The following PRUNE2 variants were observed in gnomAD, a reference collection of about 807,000 sequenced individuals.
PRUNE2 encodes the protein protein prune homolog 2.
In PRUNE2, 164 loss-of-function variants were observed where a neutral mutation model predicts 252.0. The ratio of observed to expected loss-of-function variants is 0.65; its 90% CI spans 0.57 to 0.74. PRUNE2 has a LOEUF of 0.74. PRUNE2 is among the 30% of genes least tolerant of loss of function. The pLI, the probability that PRUNE2 is intolerant of heterozygous loss-of-function variation, is 0.00. For synonymous variants in PRUNE2, 1,292 were observed against 1,350.2 expected (o/e 0.96, Z 0.94); for missense variants, 3,495 against 3,711.0 (o/e 0.94, Z 1.51).
At chr9:76,663,628 T>C (rs1487130332) in intron 9 of PRUNE2, among the ~76,000 whole-genome samples, 1 of 152,206 alleles carries the variant, frequency 6.6e-6, no homozygotes, top group Non-Finnish European at 1.5e-5. Context: ...TTTTTTTCTT[T>C]TTACAGTGAG....
intron 15 of PRUNE2, among the ~76,000 whole-genome samples, chr9:76,632,674 C>G (rs569558043): frequency 6.6e-6 from 1 of 152,284 alleles, no homozygotes; most frequent in South Asian, 2.1e-4. Flanking sequence ...CCTCCTATCT[C>G]TGCCTCTGGA....
intron 16 of PRUNE2, among the ~76,000 whole-genome samples, chr9:76,627,544 A>G (rs541381546): frequency 6.6e-6 from 1 of 152,318 alleles, no homozygotes; most frequent in Admixed American, 6.5e-5. Context: ...TGAAGCCGTC[A>G]TTAGGATCTA....
chr9:76,746,779 G>A (rs2050164066), intron 6 of PRUNE2, among the ~76,000 whole-genome samples: 1 of 145,392 alleles, frequency 6.9e-6, no homozygotes, highest in Admixed American at 6.9e-5. Flanking sequence ...CGGGATAGCC[G>A]AACACACAGA....
rs2046458428 is a variant in PRUNE2 at position 76,708,364 on chromosome 9, G to A, written c.3910C>T (p.Leu1304Phe). 6.2e-7 allele frequency: 1 copy of A among 1,613,770 alleles called. No homozygotes were observed. Among genetic ancestry groups the A allele is most frequent in the Non-Finnish European group, 8.5e-7 (1 of 1,179,868 alleles). ...TGTGGAAAATACCCTGGATTCTCAAGCCTAGTCGCCAAGGATGCTGCATCA... is the reference window on the plus strand; with the variant it reads ...TGTGGAAAATACCCTGGATTCTCAAACCTAGTCGCCAAGGATGCTGCATCA... ...QSDAASLATRLENPGYFPHPD... is the reference protein window; with the variant it reads ...QSDAASLATRFENPGYFPHPD... The change falls in exon 8 of 19, where the codon CTT becomes TTT. Residue 1304 changes from leucine (L) to phenylalanine (F), a missense_variant. Physicochemically the swap from Leu to Phe is conservative, Grantham distance 22. Transcript: ENST00000376718.
At chr9:76,685,661 G>A (rs1470842300) in intron 9 of PRUNE2, among the ~76,000 whole-genome samples, 2 of 152,202 alleles carry the variant, frequency 1.3e-5, no homozygotes, top group Non-Finnish European at 2.9e-5. Context: ...TGCAAGCTAA[G>A]GAGAGAGAGG....
intron 1 of PRUNE2, among the ~76,000 whole-genome samples, chr9:76,894,448 C>A (rs2062687168): frequency 6.6e-6 from 1 of 152,204 alleles, no homozygotes; most frequent in South Asian, 2.1e-4. Context: ...TCTCAGGGAG[C>A]AGCCAGGCAC....
At chr9:76,873,171 C>T (rs919685633) in intron 1 of PRUNE2, among the ~76,000 whole-genome samples, 11 of 152,014 alleles carry the variant, frequency 7.2e-5, no homozygotes, top group Non-Finnish European at 8.8e-5. Context: ...CTTCCAGCCT[C>T]CAGAGCTGTG....
At position 76,709,091 on chromosome 9, in the gene PRUNE2, A is replaced by G. The variant is rs2046522304; in HGVS notation, c.3183T>C (p.Asp1061=). 1.2e-6 allele frequency: 2 copies of G among 1,613,756 alleles called. No homozygotes were observed. The highest frequency in any genetic ancestry group is 3.3e-5 in the Admixed American group (2 of 60,002). The change falls in exon 8 of 19, where the codon GAT becomes GAC. Residue 1061 remains aspartate (D), a synonymous_variant. Transcript: ENST00000376718. ...CATCCTCCATGGAGATATTCTTACCATCTGTGTGCTCTGTCTTGAGTTCAT... is the reference window on the plus strand; with the variant it reads ...CATCCTCCATGGAGATATTCTTACCGTCTGTGTGCTCTGTCTTGAGTTCAT... ...DENELKTEHT[D]GKNISMEDDV...
chr9:76,881,323 T>C (rs2061770562), intron 1 of PRUNE2, among the ~76,000 whole-genome samples: 1 of 152,166 alleles, frequency 6.6e-6, no homozygotes, highest in Admixed American at 6.6e-5. Flanking sequence ...TGAGAAGCAC[T>C]ATACTAATAA....
chr9:76,634,557 T>C (rs941538834), intron 15 of PRUNE2, among the ~76,000 whole-genome samples: 1 of 152,190 alleles, frequency 6.6e-6, no homozygotes, highest in Admixed American at 6.5e-5. Context: ...AAATGCTTCA[T>C]CACACTGTAC....
intron 6 of PRUNE2, among the ~76,000 whole-genome samples, chr9:76,719,423 T>C (rs921026607): frequency 1.3e-5 from 2 of 152,068 alleles, no homozygotes; most frequent in East Asian, 1.9e-4. Flanking sequence ...ATAACACAAA[T>C]TTTCTTCTTT....
At chr9:76,824,206 C>A (rs890955564) in intron 5 of PRUNE2, among the ~76,000 whole-genome samples, 2 of 152,124 alleles carry the variant, frequency 1.3e-5, no homozygotes, top group African/African-American at 4.8e-5. Flanking sequence ...AACCAGAAGC[C>A]AGTGTTGTGG....
At chr9:76,649,077 A>G (rs1404698449) in intron 11 of PRUNE2, among the ~76,000 whole-genome samples, 1 of 152,248 alleles carries the variant, frequency 6.6e-6, no homozygotes, top group Non-Finnish European at 1.5e-5. Context: ...AAACAGGTAC[A>G]GGAAAACTCT....
intron 17 of PRUNE2, among the ~76,000 whole-genome samples, chr9:76,620,264 C>G (rs1286566589): frequency 6.6e-6 from 1 of 151,984 alleles, no homozygotes; most frequent in Admixed American, 6.5e-5. Context: ...CTCAGCCACC[C>G]AAGTAGCTGG....
At chr9:76,720,325 AT>A in intron 6 of PRUNE2, among the ~76,000 whole-genome samples, 1 of 152,360 alleles carries the variant, frequency 6.6e-6, no homozygotes, top group Middle Eastern at 3.4e-3. Flanking sequence ...CCAAATTGCT[AT>A]TCTGAAACCT....
intron 1 of PRUNE2, among the ~76,000 whole-genome samples, chr9:76,866,325 A>G (rs2060836575): frequency 6.6e-6 from 1 of 152,268 alleles, no homozygotes; most frequent in Non-Finnish European, 1.5e-5. Context: ...TATATCCATT[A>G]TATTAATAAT....
chr9:76,674,601 G>A (rs1156492780), intron 9 of PRUNE2, among the ~76,000 whole-genome samples: 20 of 150,738 alleles, frequency 1.3e-4, no homozygotes, highest in Admixed American at 2.7e-4. Flanking sequence ...AGCCCGCATC[G>A]CCAAGTCAAT....
At chr9:76,758,377 G>A (rs1421319782) in intron 6 of PRUNE2, 3 of 152,230 alleles carry the variant, frequency 2.0e-5, no homozygotes, top group Non-Finnish European at 4.4e-5. Flanking sequence ...TTCAGTCCAG[G>A]AGGTGCTGAG....
intron 9 of PRUNE2, among the ~76,000 whole-genome samples, chr9:76,682,472 CT>C (rs766612485): frequency 3.3e-5 from 5 of 151,674 alleles, no homozygotes; most frequent in African/African-American, 4.8e-5. Context: ...AGCTATTCTC[CT>C]ACCTCAGCCT....
Sources: allele counts gnomAD v4.1 joint callset (sites outside exome capture counted in the v4.1 genomes callset), GRCh38; gene constraint gnomAD v4.1.1; transcripts MANE v1.5; gene names NCBI Gene and HGNC (gene_info 2026-07-23, HGNC 2026-07-21).